Variants in PTPRT observed in about 807,000 individuals in gnomAD.
PTPRT encodes receptor-type tyrosine-protein phosphatase T.
In PTPRT, 56 loss-of-function variants were observed where a neutral mutation model predicts 176.8. The observed-to-expected ratio is 0.32, with a 90% CI of 0.26 to 0.40. The LOEUF (loss-of-function observed/expected upper bound fraction) is 0.40, where lower values mean the gene tolerates loss of function less well. PTPRT is among the 10% of genes least tolerant of loss of function. PTPRT has a pLI of 1.00. For synonymous variants in PTPRT, 783 were observed against 739.0 expected, an observed-to-expected ratio of 1.06 and a Z score of -0.96; for missense variants, 1,540 against 1,908.2, an observed-to-expected ratio of 0.81 and a Z score of 3.60.
At chr20:43,076,315 G>A (rs897823375) in intron 1 of PTPRT, among the ~76,000 whole-genome samples, 15 of 152,052 alleles carry the variant, frequency 9.9e-5, no homozygotes, top group African/African-American at 2.4e-4. Context: ...TCTGGAACAC[G>A]GTAAGTCGCC....
chr20:42,613,485 C>T (rs1031914641), intron 7 of PTPRT, among the ~76,000 whole-genome samples: 2 of 152,234 alleles, frequency 1.3e-5, no homozygotes, highest in African/African-American at 4.8e-5. Context: ...AAACTTCCCT[C>T]TGAGAATATA....
At chr20:42,365,493 A>T (rs2058501696) in intron 9 of PTPRT, among the ~76,000 whole-genome samples, 1 of 151,840 alleles carries the variant, frequency 6.6e-6, no homozygotes, top group African/African-American at 2.4e-5. Context: ...CACCACTACC[A>T]CCAAGAACCA....
At chr20:42,061,547 C>G in the PTPRT span, among the ~76,000 whole-genome samples, 19 of 152,226 alleles carry the variant, frequency 1.2e-4, no homozygotes, top group East Asian at 3.7e-3. Flanking sequence ...ACTTGAGTCT[C>G]AATTTAAAAT....
chr20:42,673,988 G>T (rs1479491167), intron 7 of PTPRT, among the ~76,000 whole-genome samples: 1 of 151,872 alleles, frequency 6.6e-6, no homozygotes, highest in African/African-American at 2.4e-5. Context: ...AATTCCTCTG[G>T]GCAGAAATTA....
chr20:43,174,529 G>T (rs1389488472), intron 1 of PTPRT, among the ~76,000 whole-genome samples: 1 of 152,164 alleles, frequency 6.6e-6, no homozygotes, highest in Admixed American at 6.5e-5. Flanking sequence ...CATAACTCTT[G>T]AATCTAGTCC....
intron 21 of PTPRT, among the ~76,000 whole-genome samples, chr20:42,116,781 G>A (rs1987305965): frequency 6.6e-6 from 1 of 152,158 alleles, no homozygotes. Flanking sequence ...TGCACAATAA[G>A]CACCTGGCAC....
At chr20:43,058,981 G>A (rs1291795886) in intron 1 of PTPRT, among the ~76,000 whole-genome samples, 3 of 152,148 alleles carry the variant, frequency 2.0e-5, no homozygotes, top group Admixed American at 1.3e-4. Context: ...AGTCTTCAAT[G>A]TGAGGTGGCG....
At chr20:42,546,306 G>T (rs1484624075) in intron 7 of PTPRT, among the ~76,000 whole-genome samples, 2 of 152,134 alleles carry the variant, frequency 1.3e-5, no homozygotes, top group Non-Finnish European at 2.9e-5. Context: ...GTGAGGTACA[G>T]AATGGCTGGA....
intron 1 of PTPRT, among the ~76,000 whole-genome samples, chr20:43,075,680 A>G (rs549641630): frequency 2.0e-5 from 3 of 152,346 alleles, no homozygotes; most frequent in Admixed American, 2.0e-4. Context: ...CATTCCCCTG[A>G]CTAACCTACA....
At chr20:42,765,740 A>G (rs2076973844) in intron 5 of PTPRT, among the ~76,000 whole-genome samples, 1 of 151,802 alleles carries the variant, frequency 6.6e-6, no homozygotes, top group South Asian at 2.1e-4. Context: ...ATGTGTATAT[A>G]TTTTTTCATA....
At chr20:43,180,516 T>C (rs1447794759) in intron 1 of PTPRT, among the ~76,000 whole-genome samples, 1 of 151,072 alleles carries the variant, frequency 6.6e-6, no homozygotes, top group African/African-American at 2.4e-5. Context: ...CGGGCAGGAG[T>C]GCAATGGCAT....
intron 8 of PTPRT, among the ~76,000 whole-genome samples, chr20:42,449,972 TA>T (rs554291845): frequency 1.1e-3 from 165 of 152,334 alleles, no homozygotes; most frequent in Non-Finnish European, 1.7e-3. Context: ...TTTTTATTTT[TA>T]AAAAAATGTT....
chr20:42,739,674 T>A (rs1263705627), intron 6 of PTPRT, among the ~76,000 whole-genome samples: 1 of 152,194 alleles, frequency 6.6e-6, no homozygotes, highest in Non-Finnish European at 1.5e-5. Context: ...ACATATTTAG[T>A]TCTAAAATGG....
intron 7 of PTPRT, among the ~76,000 whole-genome samples, chr20:42,541,189 A>G (rs2072572397): frequency 6.6e-6 from 1 of 152,192 alleles, no homozygotes; most frequent in African/African-American, 2.4e-5. Flanking sequence ...TTCCAATTTA[A>G]TGTGATGCCA....
At chr20:42,430,088 A>C (rs1165773636) in intron 9 of PTPRT, among the ~76,000 whole-genome samples, 3 of 152,164 alleles carry the variant, frequency 2.0e-5, no homozygotes, top group Non-Finnish European at 2.9e-5. Flanking sequence ...ATTTTAGCAA[A>C]ATGATTTTGG....
At chr20:42,431,719 C>T (rs919280281) in intron 9 of PTPRT, among the ~76,000 whole-genome samples, 1 of 152,162 alleles carries the variant, frequency 6.6e-6, no homozygotes, top group East Asian at 1.9e-4. Flanking sequence ...GCCTATTGTA[C>T]ATACAAGATC....
chr20:42,069,772 C>G, downstream of PTPRT, among the ~76,000 whole-genome samples: 1 of 152,132 alleles, frequency 6.6e-6, no homozygotes, highest in Non-Finnish European at 1.5e-5. Flanking sequence ...TTCCAAATGT[C>G]CTTGAATAAC....
chr20:42,104,808 AAT>A, intron 24 of PTPRT, 90 bp from the exon 25 acceptor site: 1 of 1,337,958 alleles, frequency 7.5e-7, no homozygotes, highest in African/African-American at 1.5e-5. Context: ...GGCTATGAAG[AAT>A]AGACATGATT....
intron 1 of PTPRT, among the ~76,000 whole-genome samples, chr20:43,006,861 A>G (rs1272315388): frequency 6.6e-6 from 1 of 152,196 alleles, no homozygotes; most frequent in Non-Finnish European, 1.5e-5. Flanking sequence ...TAAGCTGATT[A>G]GAACTGCGAG....
Sources: gnomAD v4.1 joint callset for allele counts (sites outside exome capture counted in the v4.1 genomes callset) on GRCh38, gnomAD v4.1.1 for gene constraint, MANE v1.5 for transcripts, NCBI Gene and HGNC (gene_info 2026-07-23, HGNC 2026-07-21) for gene names.